KCNIP1: variants seen among roughly 807,000 people sequenced by gnomAD.
KCNIP1 encodes A-type potassium channel modulatory protein KCNIP1.
Under a neutral mutation model 33.0 loss-of-function variants are expected in KCNIP1, and 18 were observed. The observed-to-expected ratio is 0.55, with a 90% CI of 0.38 to 0.81. KCNIP1 has a LOEUF of 0.81. Among genes scored for constraint, KCNIP1 ranks in the 30% least tolerant of loss-of-function variants. The pLI is 0.00. For missense variants in KCNIP1, 238 were observed against 271.6 expected (o/e 0.88, Z 0.87); for synonymous variants, 93 against 98.3 (o/e 0.95, Z 0.32).
At chr5:170,597,884 G>T (rs1467467377) in intron 1 of KCNIP1, among the ~76,000 whole-genome samples, 1 of 147,862 alleles carries the variant, frequency 6.8e-6, no homozygotes, top group East Asian at 2.0e-4. Flanking sequence ...AAGCTTTCAT[G>T]CCAAGTGGAA....
intron 1 of KCNIP1, among the ~76,000 whole-genome samples, chr5:170,482,547 A>G (rs1757000092): frequency 6.6e-6 from 1 of 152,078 alleles, no homozygotes. Context: ...TTTCTCTAGG[A>G]CTCACAGATG....
intron 1 of KCNIP1, among the ~76,000 whole-genome samples, chr5:170,495,789 C>T (rs1360719074): frequency 1.3e-5 from 2 of 152,200 alleles, no homozygotes; most frequent in African/African-American, 4.8e-5. Flanking sequence ...ACAGAAGGAG[C>T]CCCGGTTAAT....
chr5:170,360,377 C>A (rs545566486), intron 1 of KCNIP1, among the ~76,000 whole-genome samples: 1 of 152,206 alleles, frequency 6.6e-6, no homozygotes, highest in Non-Finnish European at 1.5e-5. Context: ...AAGCCATTCC[C>A]CATCTTGAGT....
At chr5:170,719,189 C>T (rs1010053787) in intron 2 of KCNIP1, among the ~76,000 whole-genome samples, 3 of 152,156 alleles carry the variant, frequency 2.0e-5, no homozygotes, top group Non-Finnish European at 2.9e-5. Context: ...ACCTTCCAAC[C>T]TGGTGGTGCC....
At chr5:170,367,361 G>GAAAGAAAGAAAGA (rs1763697316) in intron 1 of KCNIP1, among the ~76,000 whole-genome samples, 1 of 65,816 alleles carries the variant, frequency 1.5e-5, no homozygotes, top group East Asian at 4.1e-4. Flanking sequence ...AAGAAAGAAA[G>GAAAGAAAGAAAGA]AAAGAAAGAA....
At chr5:170,693,941 T>C (rs963799934) in intron 1 of KCNIP1, among the ~76,000 whole-genome samples, 1 of 152,132 alleles carries the variant, frequency 6.6e-6, no homozygotes, top group Non-Finnish European at 1.5e-5. Context: ...TTAGCAGGAA[T>C]GTGGTGGAGA....
chr5:170,680,368 TTC>T (rs370669219), intron 1 of KCNIP1: 59 of 152,348 alleles, frequency 3.9e-4, no homozygotes, highest in African/African-American at 1.3e-3. Flanking sequence ...TGCCTCCTCA[TTC>T]TCTCTTTCAT....
At chr5:170,607,290 C>T (rs759937494) in intron 1 of KCNIP1, among the ~76,000 whole-genome samples, 2 of 152,144 alleles carry the variant, frequency 1.3e-5, no homozygotes, top group African/African-American at 2.4e-5. Flanking sequence ...ATTCCCGTTT[C>T]GTAGAGTAGT....
At chr5:170,626,756 C>G (rs1303329709) in intron 1 of KCNIP1, among the ~76,000 whole-genome samples, 1 of 152,214 alleles carries the variant, frequency 6.6e-6, no homozygotes, top group Non-Finnish European at 1.5e-5. Flanking sequence ...GGCTGCCGCA[C>G]AAGTTGCGTG....
At chr5:170,398,668 T>C (rs1294630551) in intron 1 of KCNIP1, among the ~76,000 whole-genome samples, 2 of 152,228 alleles carry the variant, frequency 1.3e-5, no homozygotes, top group African/African-American at 4.8e-5. Flanking sequence ...TAACTGTCCT[T>C]TTTCTCTGGC....
At chr5:170,655,774 A>G (rs1761236016) in intron 1 of KCNIP1, among the ~76,000 whole-genome samples, 1 of 152,212 alleles carries the variant, frequency 6.6e-6, no homozygotes, top group African/African-American at 2.4e-5. Flanking sequence ...TGTTCCCCCA[A>G]CCGTAGCAAA....
intron 1 of KCNIP1, among the ~76,000 whole-genome samples, chr5:170,676,290 C>A (rs1762143481): frequency 6.6e-6 from 1 of 152,100 alleles, no homozygotes; most frequent in South Asian, 2.1e-4. Flanking sequence ...CATTATATAA[C>A]TAATTTAAAC....
chr5:170,598,902 CGCGTGT>C (rs1349666179), intron 1 of KCNIP1, among the ~76,000 whole-genome samples: 13 of 50,430 alleles, frequency 2.6e-4, no homozygotes, highest in Admixed American at 7.8e-4. Context: ...TGTGTGTGTG[CGCGTGT>C]GTGTGTGTGT....
rs191709783 is a variant in KCNIP1 at position 170,536,928 on chromosome 5, G to A, written c.61+32295G>A. Among the ~76,000 whole-genome samples the A allele has an allele frequency of 4.9e-3, 743 of 152,334 alleles. 2 individuals carry two copies. Among genetic ancestry groups the A allele is most frequent in the African/African-American group, 0.017 (712 of 41,570 alleles). On this transcript the variant is annotated intron_variant, in intron 1 of 7. Coordinates refer to ENST00000328939, the MANE Select transcript of KCNIP1 (RefSeq NM_014592.4). Reference sequence around the variant, plus strand: ...GACTTGCTGGATTAAGGAGTGGAGAGTCAAACATGGGTAGCTCTGCTCAGA... The same window carrying A: ...GACTTGCTGGATTAAGGAGTGGAGAATCAAACATGGGTAGCTCTGCTCAGA...
intron 1 of KCNIP1, among the ~76,000 whole-genome samples, chr5:170,527,623 A>G (rs1755629478): frequency 6.6e-6 from 1 of 151,536 alleles, no homozygotes; most frequent in Non-Finnish European, 1.5e-5. Flanking sequence ...GTCACGAATA[A>G]TCAGAAGACC....
intron 1 of KCNIP1, among the ~76,000 whole-genome samples, chr5:170,493,870 ACTCT>A (rs775613709): frequency 6.6e-6 from 1 of 151,836 alleles, no homozygotes; most frequent in East Asian, 1.9e-4. Flanking sequence ...TGCATACTCC[ACTCT>A]CTCTCCACGG....
At chr5:170,457,315 G>A (rs893247382) in intron 1 of KCNIP1, among the ~76,000 whole-genome samples, 1 of 151,972 alleles carries the variant, frequency 6.6e-6, no homozygotes, top group Admixed American at 6.6e-5. Context: ...AACTGCAGGG[G>A]CCACCACCAC....
intron 1 of KCNIP1, among the ~76,000 whole-genome samples, chr5:170,539,393 C>A (rs1756112890): frequency 6.6e-6 from 1 of 152,188 alleles, no homozygotes; most frequent in Non-Finnish European, 1.5e-5. Context: ...CCATCTTTCA[C>A]CACTGGCTGT....
Position 170,735,820 on chromosome 5 carries a change from G to A in KCNIP1, c.*14G>A. The A allele has an allele frequency of 6.2e-7, 1 of 1,611,672 alleles. No homozygotes were observed. Among genetic ancestry groups the A allele is most frequent in the Non-Finnish European group, 8.5e-7 (1 of 1,177,968 alleles). Reference sequence around the variant, plus strand: ...AATGTCATGTAACTGGTGACACTCAGCCATTCAGCTCTCAGAGACATTGTA... The same window carrying A: ...AATGTCATGTAACTGGTGACACTCAACCATTCAGCTCTCAGAGACATTGTA... On this transcript the variant is annotated 3_prime_UTR_variant, in exon 8 of 8. Coordinates refer to ENST00000328939, the MANE Select transcript of KCNIP1 (RefSeq NM_014592.4).
Sources: gnomAD v4.1 joint callset for allele counts (sites outside exome capture counted in the v4.1 genomes callset) on GRCh38, gnomAD v4.1.1 for gene constraint, MANE v1.5 for transcripts, NCBI Gene and HGNC (gene_info 2026-07-23, HGNC 2026-07-21) for gene names.